The following CAMK4 variants were observed in gnomAD, a reference collection of about 807,000 sequenced individuals.
The protein encoded by CAMK4 is calcium/calmodulin-dependent protein kinase type IV.
In CAMK4, 22 loss-of-function variants were observed where a neutral mutation model predicts 44.9. The ratio of observed to expected loss-of-function variants is 0.49; its 90% CI spans 0.35 to 0.70. CAMK4 has a LOEUF of 0.70. Ranked by LOEUF, CAMK4 falls within the 30% of genes least tolerant of loss-of-function variation. The pLI is 0.01. For missense variants in CAMK4, 498 were observed against 586.8 expected (o/e 0.85, Z 1.56); for synonymous variants, 218 against 215.4 (o/e 1.01, Z -0.11).
chr5:111,481,068 A>G (rs1323340254), intron 9 of CAMK4, among the ~76,000 whole-genome samples: 1 of 152,204 alleles, frequency 6.6e-6, no homozygotes, highest in Non-Finnish European at 1.5e-5. Flanking sequence ...GAGTGTGATT[A>G]TAACCTTCAG....
intron 5 of CAMK4, among the ~76,000 whole-genome samples, chr5:111,418,456 A>G (rs77179960): frequency 5.4e-5 from 7 of 129,410 alleles, no homozygotes; most frequent in Non-Finnish European, 1.2e-4. Context: ...TTTTTTTTTT[A>G]TATACTTTAA....
intron 1 of CAMK4, among the ~76,000 whole-genome samples, chr5:111,254,285 G>C (rs964669989): frequency 1.3e-4 from 20 of 152,188 alleles, no homozygotes; most frequent in Non-Finnish European, 2.6e-4. Context: ...ATTTAGGGTA[G>C]GGGGCACTGA....
At chr5:111,473,453 A>G in intron 8 of CAMK4, 67 bp downstream of exon 8, 1 of 978,034 alleles carries the variant, frequency 1.0e-6, no homozygotes, top group African/African-American at 1.6e-5. Context: ...AGATACCTCT[A>G]ATGCTCATAA....
chr5:111,247,301 A>T (rs1749283314), intron 1 of CAMK4, among the ~76,000 whole-genome samples: 1 of 147,828 alleles, frequency 6.8e-6, no homozygotes, highest in Non-Finnish European at 1.5e-5. Flanking sequence ...TATTAAATAT[A>T]AATTATTTTT....
intron 2 of CAMK4, among the ~76,000 whole-genome samples, chr5:111,373,086 T>C (rs1751073159): frequency 6.6e-6 from 1 of 152,184 alleles, no homozygotes; most frequent in Non-Finnish European, 1.5e-5. Flanking sequence ...AAAAGTAAAA[T>C]ACATTTTTGT....
chr5:111,322,072 A>G (rs75330081), intron 1 of CAMK4, among the ~76,000 whole-genome samples: 5,448 of 152,098 alleles, frequency 0.036, 125 homozygotes, highest in South Asian at 0.066. Flanking sequence ...AACCTAGACT[A>G]TAGTTATAAG....
At chr5:111,376,692 CAGAA>C (rs1283878875) in intron 3 of CAMK4, among the ~76,000 whole-genome samples, 164 bp from the exon 4 acceptor site, 3 of 151,656 alleles carry the variant, frequency 2.0e-5, no homozygotes, top group African/African-American at 7.3e-5. Context: ...ATCAACAACC[CAGAA>C]AGAGAGTGAG....
At chr5:111,361,341 T>C (rs1008667485) in intron 2 of CAMK4, among the ~76,000 whole-genome samples, 4 of 152,070 alleles carry the variant, frequency 2.6e-5, no homozygotes, top group Admixed American at 6.6e-5. Context: ...GGTCTCTGAG[T>C]GTATATAATA....
rs2112518932 is a variant in CAMK4 at position 111,491,111 on chromosome 5, T to C, written c.*6645T>C. The C allele has an allele frequency of 6.6e-6, 1 of 152,266 alleles. No homozygotes were observed. Among genetic ancestry groups the C allele is most frequent in the East Asian group, 1.9e-4 (1 of 5,184 alleles). 9.4% of individuals were successfully genotyped at this position (152,266 alleles called of 1,614,324 possible). ...CTTATGTGCATATTTTTTTAAAGAG[T>C]AATTTCCACATAATTCCCCAAGAAC... On this transcript the variant is annotated 3_prime_UTR_variant, in exon 11 of 11. Coordinates refer to ENST00000282356, the MANE Select transcript of CAMK4 (RefSeq NM_001744.6).
intron 9 of CAMK4, among the ~76,000 whole-genome samples, chr5:111,480,877 T>G (rs1755412662): frequency 6.6e-6 from 1 of 152,224 alleles, no homozygotes; most frequent in Admixed American, 6.5e-5. Flanking sequence ...TGTTCCTTCA[T>G]TCAGCTAGAT....
intron 5 of CAMK4, among the ~76,000 whole-genome samples, chr5:111,404,533 C>A (rs1561466178): frequency 6.6e-6 from 1 of 152,178 alleles, no homozygotes; most frequent in African/African-American, 2.4e-5. Flanking sequence ...GCAGATAGAA[C>A]ATAGTTCATT....
intron 7 of CAMK4, among the ~76,000 whole-genome samples, chr5:111,467,876 C>A (rs1208135589): frequency 6.7e-6 from 1 of 149,770 alleles, no homozygotes; most frequent in Non-Finnish European, 1.5e-5. Context: ...GAAAAGAAGT[C>A]ATGTGAAAAA....
chr5:111,390,286 C>T (rs113493995), intron 4 of CAMK4, among the ~76,000 whole-genome samples: 50 of 152,170 alleles, frequency 3.3e-4, no homozygotes, highest in Admixed American at 1.7e-3. Flanking sequence ...AAATTTTTGC[C>T]TCAATATATT....
intron 4 of CAMK4, among the ~76,000 whole-genome samples, chr5:111,378,566 A>T (rs1455798063): frequency 6.6e-6 from 1 of 152,132 alleles, no homozygotes; most frequent in East Asian, 1.9e-4. Context: ...ACACATCTGA[A>T]TTTTGTTCAT....
chr5:111,287,519 GATTTT>G (rs1337546468), intron 1 of CAMK4, among the ~76,000 whole-genome samples: 1 of 152,094 alleles, frequency 6.6e-6, no homozygotes, highest in Non-Finnish European at 1.5e-5. Context: ...AGAATTATTT[GATTTT>G]AAGGAAAGTT....
intron 1 of CAMK4, among the ~76,000 whole-genome samples, chr5:111,293,220 C>T (rs941755819): frequency 6.6e-6 from 1 of 152,138 alleles, no homozygotes; most frequent in Non-Finnish European, 1.5e-5. Flanking sequence ...ACGTGTCATA[C>T]ATTGTTCTGG....
chr5:111,357,286 G>A (rs1441195387), intron 2 of CAMK4, among the ~76,000 whole-genome samples: 2 of 152,022 alleles, frequency 1.3e-5, no homozygotes, highest in Non-Finnish European at 2.9e-5. Context: ...GGGAGCTGCT[G>A]GGGCACTAGG....
rs1755745558 is a variant in CAMK4 at position 111,489,580 on chromosome 5, T to A, written c.*5114T>A. On this transcript the variant is annotated 3_prime_UTR_variant, in exon 11 of 11. Transcript: ENST00000282356. ...CAAGAACTCAGTCTGTTCCCTGTTG[T>A]CTGGTTCAGAGGTCCACCAGGGCAA... The A allele has an allele frequency of 6.6e-6, 1 of 152,190 alleles. No homozygotes were observed. Among genetic ancestry groups the A allele is most frequent in the African/African-American group, 2.4e-5 (1 of 41,448 alleles). The allele number at this position is 152,190 out of a possible 1,614,324, so 9.4% of individuals were successfully genotyped here. A position where few individuals can be genotyped will look rare whatever the true frequency, so the allele number is the denominator to read the frequency against.
chr5:111,224,440 G>A lies in CAMK4; in HGVS notation c.-44G>A. ...TGGCGGCCGGCTTCTCGCTCGGGCA[G>A]CGGCGGCGGCGGCGGCGGCGGCTTC... On this transcript the variant is annotated 5_prime_UTR_variant, in exon 1 of 11. Coordinates refer to ENST00000282356, the MANE Select transcript of CAMK4 (RefSeq NM_001744.6). This position sits in a 1 kb window ranked among gnomAD's most constrained non-coding sequence, Gnocchi z 5.7. 1 of 1,410,602 alleles carries A rather than the reference G, an allele frequency of 7.1e-7. No homozygotes were observed. The highest frequency in any genetic ancestry group is 9.4e-7 in the Non-Finnish European group (1 of 1,066,050). 87.4% of individuals were successfully genotyped at this position (1,410,602 alleles called of 1,614,324 possible).
Sources: allele counts gnomAD v4.1 joint callset (sites outside exome capture counted in the v4.1 genomes callset), GRCh38; gene constraint gnomAD v4.1.1; non-coding constraint Gnocchi (gnomAD v3.1); transcripts MANE v1.5; gene names NCBI Gene and HGNC (gene_info 2026-07-23, HGNC 2026-07-21).